The following UPF2 variants were observed in gnomAD, a reference collection of about 807,000 sequenced individuals.
UPF2 encodes regulator of nonsense transcripts 2.
A neutral mutation model predicts 141.4 loss-of-function variants in UPF2; 17 were observed. The ratio of observed to expected loss-of-function variants is 0.12; its 90% CI spans 0.08 to 0.18. UPF2 has a LOEUF of 0.18. Ranked by LOEUF, UPF2 falls within the 10% of genes least tolerant of loss-of-function variation. UPF2 has a pLI of 1.00. For missense variants in UPF2, 1,152 were observed against 1,515.9 expected (o/e 0.76, Z 3.99); for synonymous variants, 540 against 498.0 (o/e 1.08, Z -1.12).
chr10:11,964,165 T>C, intron 10 of UPF2, 40 bp from the exon 11 acceptor site: 14 of 1,458,772 alleles, frequency 9.6e-6, no homozygotes, highest in Non-Finnish European at 1.3e-5. Flanking sequence ...AAGGCAACTC[T>C]TCAATCCTAG....
intron 11 of UPF2, among the ~76,000 whole-genome samples, chr10:11,960,287 C>T (rs1176948203): frequency 6.6e-6 from 1 of 152,156 alleles, no homozygotes; most frequent in Non-Finnish European, 1.5e-5. Flanking sequence ...GGGCTCAAGC[C>T]TATAATCCTA....
chr10:11,942,953 A>G (rs1025648684), intron 17 of UPF2, 111 bp downstream of exon 17: 17 of 975,616 alleles, frequency 1.7e-5, no homozygotes, highest in Non-Finnish European at 2.5e-5. Flanking sequence ...ATGAATTTCT[A>G]AAGAAATATT....
At chr10:11,974,559 C>T (rs758319674) in intron 9 of UPF2, among the ~76,000 whole-genome samples, 2 of 152,056 alleles carry the variant, frequency 1.3e-5, no homozygotes, top group Non-Finnish European at 1.5e-5. Flanking sequence ...CCCATTGATA[C>T]CTAATTTATT....
At position 12,042,067 on chromosome 10, in the gene UPF2, C is replaced by G. The variant is rs1435330711; in HGVS notation, c.-19+688G>C. On this transcript the variant is annotated intron_variant, in intron 1 of 21. Coordinates refer to ENST00000357604, the MANE Select transcript of UPF2 (RefSeq NM_015542.4). This position sits in a 1 kb window ranked among gnomAD's most constrained non-coding sequence, Gnocchi z 5.5. ...GAAGGTAAAGTGAAGAATCAACCAG[C>G]CTATGTGATTAAAAGGAAGTCAACC... 2.0e-5 allele frequency among the ~76,000 whole-genome samples: 3 copies of G among 152,112 alleles called. No homozygotes were observed. The highest frequency in any genetic ancestry group is 2.9e-5 in the Non-Finnish European group (2 of 68,026).
rs1833030704 is a variant in UPF2, at chr10:11,948,337, T to C, written c.3174+32A>G. The stretch of plus-strand genomic sequence containing the variant: ...TAATCAAAATACTCTTATACAAATG[T>C]ACTCTATGTTGCTACATATAAAAGT... On this transcript the variant is annotated intron_variant, in intron 16 of 21. Transcript: ENST00000357604. 10 of 1,548,676 alleles carry C rather than the reference T, an allele frequency of 6.5e-6. No homozygotes were observed. The East Asian group carries it at 2.2e-4, about 33-fold the overall frequency.
At chr10:12,031,207 T>C (rs1186372585) in intron 2 of UPF2, among the ~76,000 whole-genome samples, 18 of 147,298 alleles carry the variant, frequency 1.2e-4, no homozygotes, top group Admixed American at 9.5e-4. Context: ...AGTTTTGCAA[T>C]GTTAGATATT....
chr10:12,034,322 A>AC (rs1834579963), intron 2 of UPF2, among the ~76,000 whole-genome samples: 1 of 129,758 alleles, frequency 7.7e-6, no homozygotes, highest in Non-Finnish European at 1.6e-5. Flanking sequence ...TTATTTTATT[A>AC]TTTTATTTTT....
intron 14 of UPF2, among the ~76,000 whole-genome samples, chr10:11,952,538 C>G (rs1229879891): frequency 6.8e-6 from 1 of 147,712 alleles, no homozygotes; most frequent in Non-Finnish European, 1.5e-5. Flanking sequence ...GCAGTGGCGC[C>G]ATCTCAGCTC....
intron 16 of UPF2, among the ~76,000 whole-genome samples, chr10:11,946,968 A>C (rs746986662): frequency 5.9e-5 from 9 of 152,244 alleles, no homozygotes; most frequent in Non-Finnish European, 1.2e-4. Flanking sequence ...TTGGAAGGCC[A>C]AGGTGGGGGG....
chr10:12,000,725 G>C (rs1207508179), intron 6 of UPF2, among the ~76,000 whole-genome samples: 1 of 152,184 alleles, frequency 6.6e-6, no homozygotes, highest in Non-Finnish European at 1.5e-5. Flanking sequence ...AGGATGACTT[G>C]AGCTCGGGAG....
At chr10:12,004,377 A>G (rs1253620772) in intron 5 of UPF2, among the ~76,000 whole-genome samples, 153 bp downstream of exon 5, 1 of 152,232 alleles carries the variant, frequency 6.6e-6, no homozygotes, top group Non-Finnish European at 1.5e-5. Context: ...ATGCTCCATC[A>G]TTCCATATAA....
intron 7 of UPF2, among the ~76,000 whole-genome samples, chr10:11,999,217 A>AG (rs1045090006): frequency 6.6e-6 from 1 of 152,124 alleles, no homozygotes; most frequent in Admixed American, 6.5e-5. Context: ...ACAATAAAAA[A>AG]GAAAAAAAAA....
intron 15 of UPF2, 100 bp from the exon 16 acceptor site, chr10:11,948,608 C>A: frequency 7.7e-7 from 1 of 1,298,328 alleles, no homozygotes; most frequent in East Asian, 2.3e-5. Flanking sequence ...ATTAAGAATT[C>A]AACAGCCATT....
At chr10:11,986,163 C>G (rs1053038157) in intron 8 of UPF2, among the ~76,000 whole-genome samples, 11 of 151,978 alleles carry the variant, frequency 7.2e-5, no homozygotes, top group African/African-American at 2.7e-4. Context: ...GGATTACAGG[C>G]GTGAACCACC....
chr10:12,027,353 C>A (rs1834436339), intron 3 of UPF2, among the ~76,000 whole-genome samples: 1 of 152,138 alleles, frequency 6.6e-6, no homozygotes, highest in Non-Finnish European at 1.5e-5. Context: ...ACACATACAC[C>A]CTCAAAGTAG....
At chr10:12,026,883 C>T (rs1054451419) in intron 3 of UPF2, among the ~76,000 whole-genome samples, 4 of 152,028 alleles carry the variant, frequency 2.6e-5, no homozygotes, top group Non-Finnish European at 4.4e-5. Flanking sequence ...AAACTCCTGA[C>T]CTCAGATGAT....
intron 8 of UPF2, among the ~76,000 whole-genome samples, chr10:11,996,470 C>T (rs1455880883): frequency 6.6e-6 from 1 of 151,934 alleles, no homozygotes; most frequent in Non-Finnish European, 1.5e-5. Flanking sequence ...GCCATGGCCT[C>T]ATGAGAAGCT....
In UPF2 at chr10:11,939,105, C is replaced by T. The variant is rs1832904268; in HGVS notation, c.3379-2393G>A. ...TAGGAGGGTCTCGATCTCCTGACCT[C>T]GTGATCCTCCCACCTCGGCCTCCCA... On this transcript the variant is annotated intron_variant, in intron 18 of 21. Coordinates refer to ENST00000357604, the MANE Select transcript of UPF2 (RefSeq NM_015542.4). The surrounding 1 kb of genome is among the most constrained non-coding windows in gnomAD (Gnocchi z 4.8). 1.3e-5 allele frequency among the ~76,000 whole-genome samples: 2 copies of T among 151,918 alleles called. No individual in the cohort carries two copies. Among genetic ancestry groups the T allele is most frequent in the African/African-American group, 4.8e-5 (2 of 41,340 alleles).
chr10:12,004,487 T>C (rs1453923358), intron 5 of UPF2, 43 bp downstream of exon 5: 4 of 1,478,544 alleles, frequency 2.7e-6, no homozygotes, highest in Non-Finnish European at 3.7e-6. Context: ...TTGAAGCTAA[T>C]TCTTATAGCA....
Sources: gnomAD v4.1 joint callset for allele counts (sites outside exome capture counted in the v4.1 genomes callset) on GRCh38, gnomAD v4.1.1 for gene constraint, Gnocchi (gnomAD v3.1) non-coding constraint, MANE v1.5 for transcripts, NCBI Gene and HGNC (gene_info 2026-07-23, HGNC 2026-07-21) for gene names.